MIB1: variants seen among roughly 807,000 people sequenced by gnomAD.
MIB1 encodes the protein MIB E3 ubiquitin protein ligase 1, also known as E3 ubiquitin-protein ligase MIB1.
In MIB1, 278 loss-of-function variants were observed where a neutral mutation model predicts 124.5. That is an observed-to-expected ratio of 2.23 (90% CI 2.02 to 2.47). The LOEUF (loss-of-function observed/expected upper bound fraction) is 2.47. Ranked by LOEUF, MIB1 falls within the 30% of genes most tolerant of loss-of-function variation. The pLI is 0.00. For missense variants in MIB1, 957 were observed against 1,254.4 expected (o/e 0.76, Z 3.58); for synonymous variants, 446 against 429.4 (o/e 1.04, Z -0.48).
intron 10 of MIB1, among the ~76,000 whole-genome samples, chr18:21,814,661 C>G (rs897474510): frequency 2.4e-4 from 36 of 151,896 alleles, no homozygotes; most frequent in Admixed American, 2.4e-3. Context: ...GCAACCTCTG[C>G]CTCCCGGATT....
intron 1 of MIB1, among the ~76,000 whole-genome samples, chr18:21,732,631 T>A (rs1478977561): frequency 6.6e-6 from 1 of 152,104 alleles, no homozygotes; most frequent in Admixed American, 6.6e-5. Context: ...ATTCCTGGGA[T>A]CAAGTGATCC....
intron 10 of MIB1, chr18:21,812,525 T>C (rs1364639709): frequency 1.3e-5 from 2 of 152,108 alleles, no homozygotes; most frequent in Admixed American, 6.5e-5. Flanking sequence ...AGAGAATAGA[T>C]ATGAGCATAA....
At chr18:21,782,126 A>G (rs1001834062) in intron 6 of MIB1, among the ~76,000 whole-genome samples, 1 of 151,644 alleles carries the variant, frequency 6.6e-6, no homozygotes, top group African/African-American at 2.4e-5. Context: ...TTAAATTATT[A>G]TTATTATTTT....
At chr18:21,767,763 G>C (rs1317879660) in intron 2 of MIB1, among the ~76,000 whole-genome samples, 2 of 152,066 alleles carry the variant, frequency 1.3e-5, no homozygotes, top group Non-Finnish European at 2.9e-5. Flanking sequence ...TAGTCAGGAT[G>C]GTCTCGATCT....
In MIB1 at chr18:21,768,722, T is replaced by A; in HGVS notation, c.501T>A (p.Asp167Glu). ...VVRGVDWQWE[D>E]QDGGNGRRGK... ...GAGGAGTGGACTGGCAGTGGGAAGA[T>A]CAAGATGGAGGAAATGGACGTAGGG... Residue 167 changes from aspartate to glutamate, a missense_variant, in exon 3 of 21, where the codon GAT (aspartate) becomes GAA (glutamate). Asp to Glu is a conservative substitution (Grantham distance 45, BLOSUM62 2). Transcript: ENST00000261537. 1 of 1,611,208 alleles carries A rather than the reference T, an allele frequency of 6.2e-7. No individual in the cohort carries two copies. The highest frequency in any genetic ancestry group is 8.5e-7 in the Non-Finnish European group (1 of 1,178,592).
At chr18:21,781,063 C>G (rs2041355877) in intron 6 of MIB1, among the ~76,000 whole-genome samples, 1 of 151,830 alleles carries the variant, frequency 6.6e-6, no homozygotes, top group African/African-American at 2.4e-5. Flanking sequence ...CTTTTTTTCT[C>G]TTTTTAAAAA....
At chr18:21,724,367 A>G (rs2040728142) in intron 1 of MIB1, 3 of 152,132 alleles carry the variant, frequency 2.0e-5, no homozygotes, top group Non-Finnish European at 2.9e-5. Flanking sequence ...ATCATAACAT[A>G]TACATTTAAT....
chr18:21,731,509 G>A (rs185481886), intron 1 of MIB1, among the ~76,000 whole-genome samples: 247 of 151,548 alleles, frequency 1.6e-3, no homozygotes, highest in African/African-American at 5.6e-3. Flanking sequence ...CGAGGCGGGT[G>A]GATCACGAGG....
At chr18:21,782,913 C>T (rs1883314161) in intron 6 of MIB1, among the ~76,000 whole-genome samples, 1 of 152,000 alleles carries the variant, frequency 6.6e-6, no homozygotes, top group African/African-American at 2.4e-5. Flanking sequence ...TGTATCTTTC[C>T]CTTTAGATCT....
intron 1 of MIB1, among the ~76,000 whole-genome samples, chr18:21,734,749 G>T (rs958458215): frequency 6.6e-6 from 1 of 151,876 alleles, no homozygotes; most frequent in Non-Finnish European, 1.5e-5. Flanking sequence ...GGCTGGCCTC[G>T]AACTCCTGAC....
At chr18:21,794,295 AGT>A (rs759091475) in intron 7 of MIB1, 6 of 152,234 alleles carry the variant, frequency 3.9e-5, no homozygotes, top group Non-Finnish European at 5.9e-5. Context: ...TCATTTTATA[AGT>A]GAAGACTAAG....
intron 1 of MIB1, among the ~76,000 whole-genome samples, chr18:21,746,741 G>A (rs2040916786): frequency 6.6e-6 from 1 of 152,174 alleles, no homozygotes; most frequent in African/African-American, 2.4e-5. Context: ...TACAGAGTTA[G>A]AGGTATAGAA....
intron 1 of MIB1, among the ~76,000 whole-genome samples, chr18:21,719,461 T>G (rs2040704474): frequency 6.6e-6 from 1 of 152,118 alleles, no homozygotes; most frequent in Non-Finnish European, 1.5e-5. Context: ...AAAAATTTTT[T>G]TTTGATATGA....
intron 12 of MIB1, chr18:21,825,977 A>G (rs1393803157): frequency 1.3e-5 from 4 of 308,244 alleles, no homozygotes; most frequent in Admixed American, 5.0e-5. Context: ...CTTTTAACAC[A>G]TTACTGCATT....
At chr18:21,799,999 A>G in intron 9 of MIB1, 25 bp downstream of exon 9, 1 of 1,599,008 alleles carries the variant, frequency 6.3e-7, no homozygotes, top group Non-Finnish European at 8.5e-7. Flanking sequence ...AATTATTTTG[A>G]AGCATACAAA....
chr18:21,773,803 T>TACATTTAAATCTTAAAAATCA, intron 4 of MIB1, 75 bp downstream of exon 4: 1 of 866,336 alleles, frequency 1.2e-6, no homozygotes, highest in Non-Finnish European at 1.8e-6. Context: ...CTTTTATTAT[T>TACATTTAAATCTTAAAAATCA]TTTCCTTTGT....
intron 9 of MIB1, among the ~76,000 whole-genome samples, chr18:21,802,328 G>GTT (rs2041658932): frequency 6.6e-6 from 1 of 151,656 alleles, no homozygotes; most frequent in African/African-American, 2.4e-5. Context: ...ATTTTCTTTA[G>GTT]TTATTTTATT....
intron 13 of MIB1, among the ~76,000 whole-genome samples, chr18:21,840,659 ATATATATTTT>A (rs1474954500): frequency 3.0e-3 from 5 of 1,670 alleles, no homozygotes; most frequent in African/African-American, 5.6e-3. Context: ...ATATATATAT[ATATATATTTT>A]TTTTTTTTTT....
chr18:21,784,251 G>T (rs1432220236), intron 6 of MIB1, among the ~76,000 whole-genome samples: 1 of 151,442 alleles, frequency 6.6e-6, no homozygotes, highest in Non-Finnish European at 1.5e-5. Context: ...GTTTCACCAT[G>T]TTGGCCAGGC....
Sources: gnomAD v4.1 joint callset for allele counts (sites outside exome capture counted in the v4.1 genomes callset) on GRCh38, gnomAD v4.1.1 for gene constraint, MANE v1.5 for transcripts, NCBI Gene and HGNC (gene_info 2026-07-23, HGNC 2026-07-21) for gene names.